Variants in SP140L observed in about 807,000 individuals in gnomAD.
SP140L encodes SP140 like nuclear body protein, also known as nuclear body protein SP140-like protein.
A neutral mutation model predicts 84.3 loss-of-function variants in SP140L; 64 were observed. That is an observed-to-expected ratio of 0.76 (90% CI 0.62 to 0.94). The LOEUF is 0.94. SP140L is among the 40% of genes least tolerant of loss of function. The pLI is 0.00. For synonymous variants in SP140L, 242 were observed against 236.9 expected, an observed-to-expected ratio of 1.02 and a Z score of -0.20; for missense variants, 628 against 692.5, an observed-to-expected ratio of 0.91 and a Z score of 1.05.
At chr2:230,371,214 T>C (rs1008913919) in intron 6 of SP140L, among the ~76,000 whole-genome samples, 6 of 152,226 alleles carry the variant, frequency 3.9e-5, no homozygotes, top group African/African-American at 1.4e-4. Flanking sequence ...GTTATCCTGT[T>C]TATTGCATTA....
At position 230,369,035 on chromosome 2, in the gene SP140L, A is replaced by T. The variant is rs142351697; in HGVS notation, c.524-1873A>T. On this transcript the variant is annotated intron_variant, in intron 5 of 18. Coordinates refer to ENST00000415673, the MANE Select transcript of SP140L (RefSeq NM_138402.6). ...TCTTTGGCTTTTCACATTTCTTATT[A>T]CCTTGCATTTATATCTGTGCATTTA... Among the ~76,000 whole-genome samples the T allele has an allele frequency of 8.1e-3, 1,226 of 152,236 alleles. 11 individuals are homozygous for T. Among genetic ancestry groups the T allele is most frequent in the South Asian group, 0.021 (102 of 4,822 alleles).
At chr2:230,359,935 A>ATTGGTGCTATACCAAACTAAAGTTTGGTG (rs2060661971) in intron 4 of SP140L, among the ~76,000 whole-genome samples, 1 of 131,926 alleles carries the variant, frequency 7.6e-6, no homozygotes, top group Admixed American at 7.1e-5. Flanking sequence ...AAAGTTTGGT[A>ATTGGTGCTATACCAAACTAAAGTTTGGTG]TTGGTGCTAT....
chr2:230,394,985 C>T (rs2061984650), intron 13 of SP140L, among the ~76,000 whole-genome samples: 1 of 129,320 alleles, frequency 7.7e-6, no homozygotes, highest in South Asian at 3.2e-4. Flanking sequence ...TAAGAGACTC[C>T]AGTAATTTTT....
At position 230,356,957 on chromosome 2, in the gene SP140L, T is replaced by G. The variant is rs536591316; in HGVS notation, c.108-848T>G. 7.9e-5 allele frequency among the ~76,000 whole-genome samples: 12 copies of G among 152,296 alleles called. No individual in the cohort carries two copies. In the South Asian group the frequency reaches 2.5e-3, roughly 32 times the overall value. The stretch of plus-strand genomic sequence containing the variant: ...CGACATTGTTTCCTGCTTTATGTTG[T>G]GTACTGGGAAGTGCCAATAATTCTC... On this transcript the variant is annotated intron_variant, in intron 2 of 18. Transcript: ENST00000415673.
At chr2:230,366,006 C>G (rs1439265831) in intron 5 of SP140L, among the ~76,000 whole-genome samples, 1 of 151,994 alleles carries the variant, frequency 6.6e-6, no homozygotes, top group Non-Finnish European at 1.5e-5. Context: ...ATAATTTCAA[C>G]CTTCGTGACT....
chr2:230,378,947 A>T (rs1488305207), intron 7 of SP140L, among the ~76,000 whole-genome samples: 5 of 152,218 alleles, frequency 3.3e-5, no homozygotes, highest in Admixed American at 6.5e-5. Flanking sequence ...AAATATGTTG[A>T]GACCATTAAT....
intron 4 of SP140L, among the ~76,000 whole-genome samples, chr2:230,360,229 C>T (rs1224315776): frequency 6.6e-6 from 1 of 152,120 alleles, no homozygotes; most frequent in Non-Finnish European, 1.5e-5. Flanking sequence ...CAAAACAGGA[C>T]AAACTGGATT....
At chr2:230,362,745 A>G (rs910649466) in intron 5 of SP140L, among the ~76,000 whole-genome samples, 8 of 152,354 alleles carry the variant, frequency 5.3e-5, no homozygotes, top group African/African-American at 1.2e-4. Flanking sequence ...AAGTTTGCCT[A>G]GGGTCAGATG....
intron 3 of SP140L, among the ~76,000 whole-genome samples, chr2:230,358,418 CT>C (rs903249310): frequency 6.6e-6 from 1 of 152,026 alleles, no homozygotes; most frequent in East Asian, 1.9e-4. Context: ...CTTGTCTTTC[CT>C]TTTTTTGTGC....
At chr2:230,354,106 C>T (rs922229978) in intron 2 of SP140L, among the ~76,000 whole-genome samples, 1 of 152,094 alleles carries the variant, frequency 6.6e-6, no homozygotes, top group African/African-American at 2.4e-5. Flanking sequence ...CCCCCATTTC[C>T]CATAATATTT....
rs188439295 is a variant in SP140L at position 230,355,883 on chromosome 2, A to G, written c.108-1922A>G. 4.5e-3 allele frequency among the ~76,000 whole-genome samples: 688 copies of G among 152,278 alleles called. 4 individuals carry two copies. Among genetic ancestry groups the G allele is most frequent in the African/African-American group, 0.015 (629 of 41,566 alleles). ...AGACATAATTAAGAAAATAAAAGGGAAGCTACAGACTGGGTGAAAATATTT... is the reference window on the plus strand; with the variant it reads ...AGACATAATTAAGAAAATAAAAGGGGAGCTACAGACTGGGTGAAAATATTT... On this transcript the variant is annotated intron_variant, in intron 2 of 18. Transcript: ENST00000415673.
chr2:230,347,128 G>A (rs2060231529), intron 2 of SP140L, among the ~76,000 whole-genome samples: 1 of 152,188 alleles, frequency 6.6e-6, no homozygotes, highest in African/African-American at 2.4e-5. Flanking sequence ...CTCTAGTTGT[G>A]CAGGATTATT....
intron 7 of SP140L, among the ~76,000 whole-genome samples, chr2:230,382,218 G>C (rs1431839895): frequency 7.4e-6 from 1 of 134,710 alleles, no homozygotes; most frequent in African/African-American, 2.8e-5. Flanking sequence ...AATGTCTAGA[G>C]GGTTCTATGT....
intron 18 of SP140L, among the ~76,000 whole-genome samples, 191 bp from the exon 19 acceptor site, chr2:230,402,607 T>C (rs534186239): frequency 2.0e-5 from 3 of 152,362 alleles, no homozygotes; most frequent in South Asian, 2.1e-4. Flanking sequence ...TTAATTAGTT[T>C]GATTTAATTA....
Position 230,400,166 on chromosome 2 carries a change from G to T in SP140L, c.1237G>T (p.Gly413Trp). 1 of 1,614,170 alleles carries T rather than the reference G, an allele frequency of 6.2e-7. No homozygotes were observed. The highest frequency in any genetic ancestry group is 8.5e-7 in the Non-Finnish European group (1 of 1,180,016). The change falls in exon 15 of 19, where the codon GGG (glycine) becomes TGG (tryptophan). Residue 413 changes from glycine to tryptophan, a missense_variant. This residue lies in a region of SP140L where 525 missense variants were observed against 518.4 expected (regional missense o/e 1.01). Transcript: ENST00000415673. ...TGAGTGTGAGGTGTGCCGGGACGGAGGGGAGCTGTTCTGTTGCGACACTTG... is the reference window on the plus strand; with the variant it reads ...TGAGTGTGAGGTGTGCCGGGACGGATGGGAGCTGTTCTGTTGCGACACTTG... ...LDECEVCRDGGELFCCDTCSR... is the reference protein window; with the variant it reads ...LDECEVCRDGWELFCCDTCSR...
intron 2 of SP140L, among the ~76,000 whole-genome samples, chr2:230,352,606 G>C (rs112626536): frequency 0.015 from 2,306 of 152,120 alleles, 62 homozygotes; most frequent in African/African-American, 0.053. Flanking sequence ...ATGAGATTTG[G>C]GTAGGGACAC....
Position 230,374,245 on chromosome 2 carries a change from GGCAGAGGTTGCACTGA to G in SP140L, c.637+2608_637+2623del, listed in dbSNP as rs546398265. Among the ~76,000 whole-genome samples, 50 of 151,940 alleles carry G rather than the reference GGCAGAGGTTGCACTGA, an allele frequency of 3.3e-4. 1 individual carries two copies. The South Asian group carries it at 9.8e-3, about 30-fold the overall frequency. ...GCAGGAGAATCGCTTGAACCCGGGA[GGCAGAGGTTGCACTGA>G]GCAGAGGTTGCACCACTGCACTCCA... On this transcript the variant is annotated intron_variant, in intron 7 of 18. Coordinates refer to ENST00000415673, the MANE Select transcript of SP140L (RefSeq NM_138402.6).
chr2:230,328,648 G>T (rs2059643935), intron 1 of SP140L, 109 bp from the exon 2 acceptor site: 7 of 1,326,036 alleles, frequency 5.3e-6, no homozygotes, highest in African/African-American at 3.0e-5. Context: ...TCTTTTTTTT[G>T]CACATATGCA....
intron 7 of SP140L, among the ~76,000 whole-genome samples, chr2:230,380,950 T>G (rs1025415320): frequency 7.0e-6 from 1 of 142,346 alleles, no homozygotes; most frequent in Admixed American, 7.0e-5. Flanking sequence ...TGTAGAAGTC[T>G]TCCTGTTTTT....
Sources: gnomAD v4.1 joint callset for allele counts (sites outside exome capture counted in the v4.1 genomes callset) on GRCh38, gnomAD v4.1.1 for gene constraint, gnomAD v4.1.1 regional missense constraint, MANE v1.5 for transcripts, NCBI Gene and HGNC (gene_info 2026-07-23, HGNC 2026-07-21) for gene names.